PRH1: variants seen among roughly 807,000 people sequenced by gnomAD.
PRH1 encodes proline rich protein HaeIII subfamily 1.
In PRH1, 7 loss-of-function variants were observed where a neutral mutation model predicts 7.9. The observed-to-expected ratio is 0.89, with a 90% CI of 0.50 to 1.67. The LOEUF is 1.67. Among genes scored for constraint, PRH1 ranks in the 40% most tolerant of loss-of-function variants. PRH1 has a pLI of 0.00. For missense variants in PRH1, 109 were observed against 223.6 expected, an observed-to-expected ratio of 0.49 and a Z score of 3.27; for synonymous variants, 45 against 80.8, an observed-to-expected ratio of 0.56 and a Z score of 2.38.
chr12:10,961,802 C>G (rs1236018704), intron 2 of PRH1, among the ~76,000 whole-genome samples: 1 of 152,214 alleles, frequency 6.6e-6, no homozygotes, highest in Non-Finnish European at 1.5e-5. Context: ...CATTCTCCCT[C>G]CTCTCTCGCT....
intron 2 of PRH1, chr12:10,965,356 T>G: frequency 8.9e-7 from 1 of 1,123,542 alleles, no homozygotes; most frequent in South Asian, 1.3e-5. Flanking sequence ...TTATCATGTC[T>G]GAACAGACAA....
intron 2 of PRH1, chr12:10,931,149 G>C: frequency 2.5e-6 from 4 of 1,586,630 alleles, no homozygotes; most frequent in Admixed American, 1.8e-5. Context: ...TTGTGCCAGT[G>C]AATCTATTGA....
intron 2 of PRH1, chr12:10,930,391 G>A: frequency 2.6e-6 from 4 of 1,540,118 alleles, no homozygotes; most frequent in Non-Finnish European, 3.6e-6. Context: ...TATCATCCTT[G>A]TCAGGAATTG....
chr12:11,120,227 T>A (rs1945854830), downstream of PRH1, among the ~76,000 whole-genome samples: 1 of 152,042 alleles, frequency 6.6e-6, no homozygotes, highest in South Asian at 2.1e-4. Context: ...AAGAAAAGAG[T>A]ATCTTTGCCT....
At chr12:11,090,897 T>C (rs1944859330) in intron 1 of PRH1, among the ~76,000 whole-genome samples, 1 of 111,496 alleles carries the variant, frequency 9.0e-6, no homozygotes, top group African/African-American at 3.0e-5. Context: ...GAGCAATATT[T>C]TTCCGGGGAT....
chr12:10,891,911 T>C (rs1454662669), intron 2 of PRH1: 1 of 152,208 alleles, frequency 6.6e-6, no homozygotes, highest in Non-Finnish European at 1.5e-5. Context: ...TACACTGGAA[T>C]GTAAGCAAAT....
intron 2 of PRH1, chr12:10,930,566 G>C: frequency 6.4e-7 from 1 of 1,568,734 alleles, no homozygotes; most frequent in Non-Finnish European, 8.6e-7. Context: ...GGCAGGTCAG[G>C]GAGAGAGGGG....
chr12:10,884,249 T>C lies in PRH1; in HGVS notation c.-32A>G, dbSNP rs549074066. 7.4e-6 allele frequency: 12 copies of C among 1,613,878 alleles called. No individual in the cohort carries two copies. In the South Asian group the frequency reaches 1.3e-4, roughly 18 times the overall value. On this transcript the variant is annotated 5_prime_UTR_variant, in exon 1 of 4. Coordinates refer to ENST00000543626, the MANE Select transcript of PRH1 (RefSeq NM_001393989.1). ...GGAGGCTCTGGTGTCACTCCCAACT[T>C]TGTGCTGGGAGAAACGTGTCAGCTC...
chr12:10,920,477 C>T (rs1233489548), intron 2 of PRH1, among the ~76,000 whole-genome samples: 1 of 152,032 alleles, frequency 6.6e-6, no homozygotes, highest in Non-Finnish European at 1.5e-5. Context: ...TCATGAAACA[C>T]TTTTCTGAGA....
chr12:10,931,048 C>A lies in PRH1; in HGVS notation c.-59+42607G>T, dbSNP rs74062407. On this transcript the variant is annotated intron_variant, in intron 2 of 3. Transcript: ENST00000539853. ...CCGCCCACAAGGACCTCCACAGGGGCAGTCTCCTCAGTAATCTAGGATTCA... is the reference window on the plus strand; with the variant it reads ...CCGCCCACAAGGACCTCCACAGGGGAAGTCTCCTCAGTAATCTAGGATTCA... 6.9e-3 allele frequency: 10,864 copies of A among 1,583,630 alleles called. 644 individuals are homozygous for A. In the African/African-American group the frequency reaches 0.12, roughly 18 times the overall value.
chr12:11,091,115 C>CATATATATATATATATATATATATATAT (rs1555163213), intron 1 of PRH1, among the ~76,000 whole-genome samples: 2 of 25,124 alleles, frequency 8.0e-5, no homozygotes, highest in African/African-American at 1.6e-4. Context: ...CACACACACA[C>CATATATATATATATATATATATATATAT]ATATATATAT....
chr12:10,913,953 GTTAGT>G (rs1395625548), intron 2 of PRH1, among the ~76,000 whole-genome samples: 1 of 152,216 alleles, frequency 6.6e-6, no homozygotes, highest in Non-Finnish European at 1.5e-5. Flanking sequence ...TGGGGATCTT[GTTAGT>G]ACAGCATAGA....
At chr12:11,132,690 T>C (rs1486288430) in intron 1 of PRH1, among the ~76,000 whole-genome samples, 2 of 152,200 alleles carry the variant, frequency 1.3e-5, no homozygotes, top group African/African-American at 2.4e-5. Flanking sequence ...AAATTTACTA[T>C]ACGTATACTT....
chr12:10,888,911 G>A, upstream of PRH1, among the ~76,000 whole-genome samples: 1 of 152,096 alleles, frequency 6.6e-6, no homozygotes, highest in East Asian at 1.9e-4. Flanking sequence ...CTGAACTGAG[G>A]TTCACTGAGT....
intron 2 of PRH1, among the ~76,000 whole-genome samples, chr12:10,946,759 T>C (rs114322200): frequency 0.02 from 3,012 of 152,256 alleles, 35 homozygotes; most frequent in South Asian, 0.032. Context: ...TACAAACTTT[T>C]TGATGTGGGC....
chr12:10,887,152 C>G (rs1401109854), upstream of PRH1, among the ~76,000 whole-genome samples: 1 of 152,188 alleles, frequency 6.6e-6, no homozygotes, highest in Admixed American at 6.5e-5. Context: ...CTGAATGGAA[C>G]AGAAAGTAGA....
chr12:10,987,699 C>A (rs1257057647), intron 1 of PRH1, among the ~76,000 whole-genome samples: 1 of 151,880 alleles, frequency 6.6e-6, no homozygotes, highest in African/African-American at 2.4e-5. Context: ...TCAGACCCCC[C>A]CCAAAAAAAT....
At chr12:11,022,392 C>A in intron 1 of PRH1, 1 of 1,560,332 alleles carries the variant, frequency 6.4e-7, no homozygotes, top group Non-Finnish European at 8.7e-7. Context: ...ATAACATGAC[C>A]CAGAGTAAAC....
intron 1 of PRH1, among the ~76,000 whole-genome samples, chr12:11,058,573 C>A (rs1160685372): frequency 6.6e-6 from 1 of 152,286 alleles, no homozygotes; most frequent in African/African-American, 2.4e-5. Flanking sequence ...TTTCTATAGG[C>A]TACTGGTCTC....
Sources: allele counts gnomAD v4.1 joint callset (sites outside exome capture counted in the v4.1 genomes callset), GRCh38; gene constraint gnomAD v4.1.1; transcripts MANE v1.5; gene names NCBI Gene and HGNC (gene_info 2026-07-23, HGNC 2026-07-21).